The following MTAP variants were observed in gnomAD, a reference collection of about 807,000 sequenced individuals.
MTAP encodes the protein methylthioadenosine phosphorylase.
A neutral mutation model predicts 33.6 loss-of-function variants in MTAP; 33 were observed. The observed-to-expected ratio is 0.98, with a 90% confidence interval of 0.74 to 1.31. The LOEUF (loss-of-function observed/expected upper bound fraction) is 1.31, where lower values mean the gene tolerates loss of function less well. Among genes scored for constraint, MTAP ranks in the 40% most tolerant of loss-of-function variants. The probability of loss-of-function intolerance (pLI) is 0.00; values close to 1 mark genes in which losing one functional copy is unlikely to be tolerated. For synonymous variants in MTAP, 148 were observed against 125.7 expected (o/e 1.18, Z -1.19); for missense variants, 367 against 360.0 (o/e 1.02, Z -0.16).
In MTAP at chr9:21,880,741, C is replaced by T. The variant is rs986436409; in HGVS notation, c.147+25871C>T. Among the ~76,000 whole-genome samples, 13 of 152,040 alleles carry T rather than the reference C, an allele frequency of 8.6e-5. No individual in the cohort carries two copies. In the East Asian group the frequency reaches 1.9e-3, roughly 23 times the overall value. The stretch of plus-strand genomic sequence containing the variant: ...TGCTTGTCCACTGCAAACTACAAAA[C>T]ATTGCTGAAAGAAATAAGACACAAA... On this transcript the variant is annotated intron_variant, in intron 1 of 1. Transcript: ENST00000577563.
At chr9:21,901,859 T>TG (rs1267658536) in intron 1 of MTAP, among the ~76,000 whole-genome samples, 1 of 152,204 alleles carries the variant, frequency 6.6e-6, no homozygotes, top group Non-Finnish European at 1.5e-5. Context: ...GTTTTACTGA[T>TG]TGTAGAGATT....
intron 1 of MTAP, among the ~76,000 whole-genome samples, chr9:21,886,837 A>G (rs1167014213): frequency 1.3e-5 from 2 of 152,166 alleles, no homozygotes; most frequent in African/African-American, 4.8e-5. Context: ...TTTGGTCACC[A>G]TAGCCTTATA....
chr9:21,863,093 T>C lies in MTAP; in HGVS notation c.*1079T>C, dbSNP rs1008159598. The C allele has an allele frequency of 1.8e-5, 18 of 985,112 alleles. No homozygotes were observed. The highest frequency in any genetic ancestry group is 2.0e-5 in the Non-Finnish European group (17 of 829,774). 61.0% of individuals were successfully genotyped at this position (985,112 alleles called of 1,614,324 possible). On this transcript the variant is annotated 3_prime_UTR_variant, in exon 8 of 8. Transcript: ENST00000644715. ...GTACAGTCAGAACAGTACTTGGGTT[T>C]GCAACAGCTTTCTGAGAAAAGCTAG...
rs750116529 is a variant in MTAP, at chr9:21,854,642, G to C, written c.462G>C (p.Glu154Asp). The C allele has an allele frequency of 5.7e-6, 9 of 1,581,968 alleles. No homozygotes were observed. Among genetic ancestry groups the C allele is most frequent in the Non-Finnish European group, 5.1e-6 (6 of 1,165,304 alleles). ...FCPKTREVLI[E>D]TAKKLGLRCH... Reference sequence around the variant, plus strand: ...TTTTTCTTTTCTAGGTTCTTATAGAGACTGCTAAGAAGCTAGGACTCCGGT... The same window carrying C: ...TTTTTCTTTTCTAGGTTCTTATAGACACTGCTAAGAAGCTAGGACTCCGGT... The change falls in exon 6 of 8, where the codon GAG (glutamate) becomes GAC (aspartate). Residue 154 changes from glutamate (E) to aspartate (D), a missense_variant. Coordinates refer to ENST00000644715, the MANE Select transcript of MTAP (RefSeq NM_002451.4).
chr9:21,886,791 G>A lies in MTAP; in HGVS notation c.147+31921G>A, dbSNP rs117451825. Reference sequence around the variant, plus strand: ...GGATACTCTATTCTGTTCCGTTGGCGTATGTGTGCCTGTTTTTATACCAGT... The same window carrying A: ...GGATACTCTATTCTGTTCCGTTGGCATATGTGTGCCTGTTTTTATACCAGT... On this transcript the variant is annotated intron_variant, in intron 1 of 1. Transcript: ENST00000577563. Among the ~76,000 whole-genome samples the A allele has an allele frequency of 2.2e-3, 341 of 152,196 alleles. 1 individual carries two copies. Among genetic ancestry groups the A allele is most frequent in the East Asian group, 9.3e-3 (48 of 5,176 alleles).
chr9:21,913,282 A>G (rs1410223052), intron 1 of MTAP, among the ~76,000 whole-genome samples: 1 of 152,234 alleles, frequency 6.6e-6, no homozygotes, highest in Non-Finnish European at 1.5e-5. Flanking sequence ...AAATTACTTT[A>G]AAGTTCATAT....
intron 4 of MTAP, among the ~76,000 whole-genome samples, chr9:21,821,276 C>A (rs1467109286): frequency 1.3e-5 from 2 of 152,118 alleles, no homozygotes; most frequent in African/African-American, 4.8e-5. Flanking sequence ...ATAAATAGCT[C>A]TTATTATTTT....
At chr9:21,891,674 C>T (rs966766780) in intron 1 of MTAP, among the ~76,000 whole-genome samples, 2 of 152,116 alleles carry the variant, frequency 1.3e-5, no homozygotes, top group African/African-American at 4.8e-5. Context: ...AGAAAGGGAG[C>T]AAGAGCAAGG....
intron 1 of MTAP, chr9:21,812,255 G>T (rs1317184049): frequency 4.3e-6 from 1 of 231,920 alleles, no homozygotes; most frequent in Non-Finnish European, 8.8e-6. Flanking sequence ...CCCCACTCAT[G>T]GCTGCAGACA....
intron 4 of MTAP, among the ~76,000 whole-genome samples, chr9:21,818,562 C>T (rs761520071): frequency 4.6e-5 from 7 of 151,916 alleles, no homozygotes; most frequent in Non-Finnish European, 1.0e-4. Context: ...CAGGAGATCA[C>T]CCGCCTCCGC....
rs757237758 is a variant in MTAP at position 21,931,085 on chromosome 9, C to T, written c.225C>T (p.Leu75=). 3 of 764,160 alleles carry T rather than the reference C, an allele frequency of 3.9e-6. No individual in the cohort carries two copies. The South Asian group carries it at 4.0e-5, about 10-fold the overall frequency. The allele number at this position is 764,160 out of a possible 1,614,324, so 47.3% of individuals were successfully genotyped here. Residue 75 remains leucine (L), a synonymous_variant, in exon 2 of 2, where the codon CTC becomes CTT. Transcript: ENST00000577563. ...AAGAGTCACCCTTCTACAGAGGACT[C>T]CTAGACTTCCCATCAGTGGGACATG...
At chr9:21,912,868 G>C (rs1420335717) in intron 1 of MTAP, among the ~76,000 whole-genome samples, 2 of 152,172 alleles carry the variant, frequency 1.3e-5, no homozygotes, top group African/African-American at 4.8e-5. Flanking sequence ...TAACCTGATT[G>C]TATATCTAGA....
rs1825785396 is a variant in MTAP, at chr9:21,863,090, G to A, written c.*1076G>A. ...TCTGTACAGTCAGAACAGTACTTGG[G>A]TTTGCAACAGCTTTCTGAGAAAAGC... On this transcript the variant is annotated 3_prime_UTR_variant, in exon 8 of 8. Transcript: ENST00000644715. 2.0e-6 allele frequency: 2 copies of A among 985,098 alleles called. No individual in the cohort carries two copies. The highest frequency in any genetic ancestry group is 3.5e-5 in the African/African-American group (2 of 57,190). 61.0% of individuals were successfully genotyped at this position (985,098 alleles called of 1,614,324 possible).
At chr9:21,848,308 C>T (rs910043243) in intron 5 of MTAP, among the ~76,000 whole-genome samples, 3 of 152,098 alleles carry the variant, frequency 2.0e-5, no homozygotes, top group African/African-American at 7.2e-5. Flanking sequence ...TCAAAAAGAA[C>T]CGCTTGAGTT....
downstream of MTAP, among the ~76,000 whole-genome samples, chr9:21,867,611 A>G (rs1242632458): frequency 6.6e-6 from 1 of 151,894 alleles, no homozygotes; most frequent in East Asian, 1.9e-4. Context: ...TTGGTCTGTG[A>G]TTTTCCTTTC....
intron 1 of MTAP, among the ~76,000 whole-genome samples, chr9:21,920,903 G>A (rs781272174): frequency 6.6e-6 from 1 of 151,930 alleles, no homozygotes; most frequent in Non-Finnish European, 1.5e-5. Flanking sequence ...GTCCAATTTT[G>A]GTATCAAGGT....
rs1134871 is a variant in MTAP at position 21,862,898 on chromosome 9, T to G, written c.*884T>G. 1.1e-6 allele frequency: 1 copy of G among 943,398 alleles called. No homozygotes were observed. The highest frequency in any genetic ancestry group is 4.9e-5 in the South Asian group (1 of 20,300). The allele number at this position is 943,398 out of a possible 1,614,324, so 58.4% of individuals were successfully genotyped here. On this transcript the variant is annotated 3_prime_UTR_variant, in exon 8 of 8. Transcript: ENST00000644715. ...GTCTTCACATTTTTCTACAGTGAAT[T>G]TAATCAAATAGTAAAGTTGTTGTAA... is the stretch of plus-strand genomic sequence containing the variant.
chr9:21,903,500 G>A (rs1818424069), intron 1 of MTAP, among the ~76,000 whole-genome samples: 1 of 152,086 alleles, frequency 6.6e-6, no homozygotes, highest in African/African-American at 2.4e-5. Flanking sequence ...GACACTCTGA[G>A]CTACCCCCAT....
chr9:21,833,417 T>C (rs574471522), intron 4 of MTAP, among the ~76,000 whole-genome samples: 1 of 152,290 alleles, frequency 6.6e-6, no homozygotes, highest in East Asian at 1.9e-4. Flanking sequence ...ACATCTAAAC[T>C]CAAGGGTTCC....
Sources: allele counts gnomAD v4.1 joint callset (sites outside exome capture counted in the v4.1 genomes callset), GRCh38; gene constraint gnomAD v4.1.1; transcripts MANE v1.5; gene names NCBI Gene and HGNC (gene_info 2026-07-23, HGNC 2026-07-21).